The following EYS variants were observed in gnomAD, a reference collection of about 807,000 sequenced individuals.
EYS encodes the protein protein eyes shut homolog.
A neutral mutation model predicts 282.1 loss-of-function variants in EYS; 250 were observed. The ratio of observed to expected loss-of-function variants is 0.89; its 90% CI spans 0.80 to 0.98. The LOEUF (loss-of-function observed/expected upper bound fraction) is 0.98. EYS is among the 50% of genes least tolerant of loss of function. The pLI is 0.00. For synonymous variants in EYS, 1,355 were observed against 1,282.9 expected (o/e 1.06, Z -1.20); for missense variants, 4,016 against 3,709.0 (o/e 1.08, Z -2.15).
At chr6:64,094,752 C>T (rs1481116437) in intron 31 of EYS, among the ~76,000 whole-genome samples, 1 of 152,130 alleles carries the variant, frequency 6.6e-6, no homozygotes, top group African/African-American at 2.4e-5. Context: ...TCTCTCTCTC[C>T]TTCAGTTCTG....
intron 26 of EYS, among the ~76,000 whole-genome samples, chr6:64,495,464 G>C (rs1284065040): frequency 1.3e-5 from 2 of 151,800 alleles, no homozygotes; most frequent in Non-Finnish European, 2.9e-5. Flanking sequence ...GATTTGGATA[G>C]AATGAAATGG....
intron 5 of EYS, among the ~76,000 whole-genome samples, chr6:65,436,695 A>G (rs909799913): frequency 6.6e-6 from 1 of 152,212 alleles, no homozygotes; most frequent in Non-Finnish European, 1.5e-5. Flanking sequence ...CTGAGAAAAT[A>G]TCAATATACA....
chr6:64,775,548 T>C (rs1773653413), intron 22 of EYS, among the ~76,000 whole-genome samples: 1 of 151,998 alleles, frequency 6.6e-6, no homozygotes, highest in Non-Finnish European at 1.5e-5. Context: ...AAGAAAGAGA[T>C]TATAGGAAAA....
At chr6:64,158,154 A>T (rs79673864) in intron 31 of EYS, among the ~76,000 whole-genome samples, 4,512 of 152,296 alleles carry the variant, frequency 0.03, 101 homozygotes, top group Non-Finnish European at 0.044. Flanking sequence ...ATTTCTGCAC[A>T]GTACCTATCA....
chr6:64,917,141 C>A (rs575802594), intron 15 of EYS, among the ~76,000 whole-genome samples: 4 of 151,254 alleles, frequency 2.6e-5, no homozygotes, highest in Non-Finnish European at 5.9e-5. Flanking sequence ...CCCAGCTACG[C>A]GGGAGGCTGA....
intron 26 of EYS, among the ~76,000 whole-genome samples, chr6:64,555,919 T>TA (rs996207622): frequency 1.3e-5 from 2 of 151,606 alleles, no homozygotes; most frequent in African/African-American, 2.4e-5. Context: ...TGCTGAAAAG[T>TA]AAAATCTAAA....
intron 31 of EYS, among the ~76,000 whole-genome samples, chr6:64,183,532 A>G (rs1408662135): frequency 6.6e-6 from 1 of 152,212 alleles, no homozygotes; most frequent in Non-Finnish European, 1.5e-5. Context: ...ATACTGTTCA[A>G]TAAATATTAG....
chr6:64,664,501 T>C (rs976827819), intron 22 of EYS, among the ~76,000 whole-genome samples: 1 of 152,082 alleles, frequency 6.6e-6, no homozygotes, highest in African/African-American at 2.4e-5. Flanking sequence ...AGAGGGGAAG[T>C]GGGATATTTG....
intron 35 of EYS, 118 bp downstream of exon 35, chr6:63,984,265 A>C: frequency 1.4e-6 from 1 of 705,198 alleles, no homozygotes; most frequent in Non-Finnish European, 2.4e-6. Flanking sequence ...GCATAGAAAA[A>C]CTTGAGAATT....
At chr6:64,896,833 A>G (rs910710872) in intron 18 of EYS, among the ~76,000 whole-genome samples, 1 of 152,128 alleles carries the variant, frequency 6.6e-6, no homozygotes, top group Non-Finnish European at 1.5e-5. Flanking sequence ...CAAAGCCGCC[A>G]GGAAGTTCAG....
At chr6:65,648,221 T>C (rs1334399566) in intron 1 of EYS, among the ~76,000 whole-genome samples, 3 of 152,030 alleles carry the variant, frequency 2.0e-5, no homozygotes, top group Non-Finnish European at 4.4e-5. Context: ...AAAAGATACT[T>C]GCACGCACAT....
At chr6:65,334,118 G>C (rs984591233) in intron 11 of EYS, among the ~76,000 whole-genome samples, 1 of 151,404 alleles carries the variant, frequency 6.6e-6, no homozygotes, top group Non-Finnish European at 1.5e-5. Context: ...AAATATTTTT[G>C]ATATATTTGA....
chr6:65,663,523 G>C (rs1768078635), intron 1 of EYS, among the ~76,000 whole-genome samples: 1 of 152,148 alleles, frequency 6.6e-6, no homozygotes, highest in Admixed American at 6.5e-5. Context: ...TACCAACTTG[G>C]ACTTATCCTT....
chr6:64,711,454 A>G lies in EYS; in HGVS notation c.3444-85209T>C, dbSNP rs548473263. ...ACTAAGAATTGCAATTCAATAGTTT[A>G]TGTATTACATGCATATCAAGATGAA... On this transcript the variant is annotated intron_variant, in intron 22 of 42. Transcript: ENST00000503581. 2.0e-5 allele frequency among the ~76,000 whole-genome samples: 3 copies of G among 152,344 alleles called. No homozygotes were observed. In the South Asian group the frequency reaches 6.2e-4, roughly 32 times the overall value.
intron 19 of EYS, among the ~76,000 whole-genome samples, chr6:64,844,314 G>A (rs1765655602): frequency 6.7e-6 from 1 of 149,890 alleles, no homozygotes; most frequent in Admixed American, 6.6e-5. Flanking sequence ...TATGATAAAT[G>A]AGTGAGACTA....
chr6:65,124,892 T>C (rs531754180), intron 12 of EYS, among the ~76,000 whole-genome samples: 1 of 152,322 alleles, frequency 6.6e-6, no homozygotes, highest in East Asian at 1.9e-4. Context: ...TCCAAGCCAA[T>C]TAAAAAGCAA....
intron 12 of EYS, among the ~76,000 whole-genome samples, chr6:65,178,044 G>T (rs9345597): frequency 6.6e-6 from 1 of 152,012 alleles, no homozygotes; most frequent in East Asian, 2.0e-4. Context: ...ACAGACAAAT[G>T]GGTAGGTGGG....
At chr6:64,160,597 C>T (rs909429510) in intron 31 of EYS, among the ~76,000 whole-genome samples, 1 of 152,168 alleles carries the variant, frequency 6.6e-6, no homozygotes, top group Non-Finnish European at 1.5e-5. Flanking sequence ...ATTTGGGGCC[C>T]TCTGCTGAAT....
intron 23 of EYS, among the ~76,000 whole-genome samples, chr6:64,620,244 AT>A (rs1268928560): frequency 3.3e-5 from 5 of 152,106 alleles, no homozygotes; most frequent in Non-Finnish European, 5.9e-5. Flanking sequence ...CACTCTTAGG[AT>A]TTTTGAGTTC....
Sources: allele counts gnomAD v4.1 joint callset (sites outside exome capture counted in the v4.1 genomes callset), GRCh38; gene constraint gnomAD v4.1.1; transcripts MANE v1.5; gene names NCBI Gene and HGNC (gene_info 2026-07-23, HGNC 2026-07-21).